Variants in CLEC16A observed in about 807,000 individuals in gnomAD.
The protein encoded by CLEC16A is C-type lectin domain containing 16A.
CLEC16A carries 51 observed loss-of-function variants against 109.5 expected under a neutral mutation model. The ratio of observed to expected loss-of-function variants is 0.47; its 90% CI spans 0.37 to 0.59. The LOEUF (loss-of-function observed/expected upper bound fraction) is 0.59, where lower values mean the gene tolerates loss of function less well. Ranked by LOEUF, CLEC16A falls within the 20% of genes least tolerant of loss-of-function variation. CLEC16A has a pLI of 0.00. For synonymous variants in CLEC16A, 673 were observed against 564.2 expected (o/e 1.19, Z -2.73); for missense variants, 1,339 against 1,394.0 (o/e 0.96, Z 0.63).
chr16:11,051,455 C>G, intron 17 of CLEC16A, 58 bp from the exon 18 acceptor site: 1 of 1,576,448 alleles, frequency 6.3e-7, no homozygotes, highest in East Asian at 2.3e-5. Context: ...CTCCCCCGGC[C>G]CCTTCCTCCT....
chr16:11,095,265 G>T (rs1192865331), intron 19 of CLEC16A, among the ~76,000 whole-genome samples: 1 of 152,160 alleles, frequency 6.6e-6, no homozygotes, highest in Non-Finnish European at 1.5e-5. Flanking sequence ...AGAAAGAAAG[G>T]AAAGAGAAGA....
chr16:11,069,743 G>A (rs1431993796), intron 19 of CLEC16A, among the ~76,000 whole-genome samples: 1 of 152,016 alleles, frequency 6.6e-6, no homozygotes. Context: ...TACCCAGACT[G>A]AAAATATTTT....
chr16:11,087,249 A>G (rs1368516892), intron 19 of CLEC16A, among the ~76,000 whole-genome samples: 1 of 136,458 alleles, frequency 7.3e-6, no homozygotes, highest in African/African-American at 2.8e-5. Context: ...GTCTGCACAC[A>G]AGGTGGACTT....
chr16:11,075,629 G>A (rs1224515489), intron 19 of CLEC16A, among the ~76,000 whole-genome samples: 1 of 152,042 alleles, frequency 6.6e-6, no homozygotes, highest in Non-Finnish European at 1.5e-5. Flanking sequence ...TAGAGATGGA[G>A]TCTTGCTATG....
chr16:10,984,330 G>T (rs1409249333), intron 10 of CLEC16A, among the ~76,000 whole-genome samples: 1 of 152,176 alleles, frequency 6.6e-6, no homozygotes, highest in Non-Finnish European at 1.5e-5. Context: ...TGTTAGTGGT[G>T]GTGGCATTAG....
intron 1 of CLEC16A, among the ~76,000 whole-genome samples, chr16:10,956,710 A>G (rs911932788): frequency 6.6e-6 from 1 of 152,196 alleles, no homozygotes. Flanking sequence ...GAGGACTGGA[A>G]GGTGTCTACC....
At chr16:11,055,237 ACAGT>A (rs1444342899) in intron 18 of CLEC16A, among the ~76,000 whole-genome samples, 1 of 152,214 alleles carries the variant, frequency 6.6e-6, no homozygotes, top group East Asian at 1.9e-4. Context: ...GTATCAACTC[ACAGT>A]CAGAGCTCTG....
chr16:10,995,678 T>C (rs987430777), intron 10 of CLEC16A, among the ~76,000 whole-genome samples: 4 of 152,156 alleles, frequency 2.6e-5, no homozygotes, highest in South Asian at 2.1e-4. Context: ...GCGTGTGATA[T>C]GGAACTACTC....
At chr16:11,078,654 T>C (rs904283756) in intron 19 of CLEC16A, among the ~76,000 whole-genome samples, 1 of 152,244 alleles carries the variant, frequency 6.6e-6, no homozygotes, top group Admixed American at 6.5e-5. Flanking sequence ...ACTGCAGGGC[T>C]GCAGTAGACC....
At chr16:11,000,071 C>T (rs1490228591) in intron 10 of CLEC16A, among the ~76,000 whole-genome samples, 2 of 152,220 alleles carry the variant, frequency 1.3e-5, no homozygotes, top group African/African-American at 4.8e-5. Context: ...TACCTGACCT[C>T]AGGTGATCCA....
chr16:11,143,195 G>T (rs2053917400), intron 22 of CLEC16A, among the ~76,000 whole-genome samples: 1 of 152,204 alleles, frequency 6.6e-6, no homozygotes, highest in Non-Finnish European at 1.5e-5. Context: ...GCAGTCTTGT[G>T]AGAGTGACAG....
intron 19 of CLEC16A, among the ~76,000 whole-genome samples, chr16:11,062,002 C>A (rs138571527): frequency 7.2e-5 from 11 of 152,288 alleles, no homozygotes; most frequent in Non-Finnish European, 1.5e-4. Flanking sequence ...CTTCTCTTTC[C>A]CTTTAATTCT....
At chr16:11,071,877 C>T (rs1481763332) in intron 19 of CLEC16A, among the ~76,000 whole-genome samples, 1 of 150,564 alleles carries the variant, frequency 6.6e-6, no homozygotes, top group East Asian at 2.0e-4. Flanking sequence ...ACAGGCAGAA[C>T]CCCTGGCCTG....
chr16:10,992,921 G>A (rs2044112978), intron 10 of CLEC16A, among the ~76,000 whole-genome samples: 1 of 152,126 alleles, frequency 6.6e-6, no homozygotes, highest in African/African-American at 2.4e-5. Context: ...ACTGAGGTCA[G>A]GGAGCTAGGC....
At chr16:10,978,955 C>A (rs75776942) in intron 8 of CLEC16A, among the ~76,000 whole-genome samples, 9 of 152,128 alleles carry the variant, frequency 5.9e-5, no homozygotes, top group Non-Finnish European at 1.3e-4. Flanking sequence ...ACCTCCTCCC[C>A]CATGCTTTGA....
At chr16:11,011,829 GT>G (rs372388785) in intron 11 of CLEC16A, among the ~76,000 whole-genome samples, 145 of 149,596 alleles carry the variant, frequency 9.7e-4, no homozygotes, top group Middle Eastern at 3.4e-3. Context: ...GAATTTACAG[GT>G]TTTTTTTTTC....
chr16:11,018,272 G>A lies in CLEC16A; in HGVS notation c.1304-1921G>A, dbSNP rs566182432. ...CACTCTAGGCTGGGTGTCAGAGCAA[G>A]ACCCTGTCTCAAAAAAGAAAAAAAA... On this transcript the variant is annotated intron_variant, in intron 11 of 23. Coordinates refer to ENST00000409790, the MANE Select transcript of CLEC16A (RefSeq NM_015226.3). Among the ~76,000 whole-genome samples the A allele has an allele frequency of 2.8e-5, 4 of 144,540 alleles. No individual in the cohort carries two copies. In the South Asian group the frequency reaches 6.8e-4, roughly 24 times the overall value. 94.8% of individuals were successfully genotyped at this position (144,540 alleles called of 152,430 possible). A position where few individuals can be genotyped will look rare whatever the true frequency, so the allele number is the denominator to read the frequency against.
rs945828814 is a variant in CLEC16A at position 11,156,331 on chromosome 16, C to T, written c.2642-10057C>T. 2.0e-5 allele frequency among the ~76,000 whole-genome samples: 3 copies of T among 149,638 alleles called. No individual in the cohort carries two copies. The South Asian group carries it at 6.3e-4, about 32-fold the overall frequency. On this transcript the variant is annotated intron_variant, in intron 22 of 23. Coordinates refer to ENST00000409790, the MANE Select transcript of CLEC16A (RefSeq NM_015226.3). ...GTTGCTCTGAGCCAGGATTGTGCCA[C>T]TGCACTCCAGCCTGGGTGACAGAGT...
At chr16:10,980,155 C>T (rs1167373561) in intron 9 of CLEC16A, among the ~76,000 whole-genome samples, 3 of 152,158 alleles carry the variant, frequency 2.0e-5, no homozygotes, top group Non-Finnish European at 4.4e-5. Flanking sequence ...CTGACTTGAT[C>T]CCCAGCTGTT....
Sources: gnomAD v4.1 joint callset for allele counts (sites outside exome capture counted in the v4.1 genomes callset) on GRCh38, gnomAD v4.1.1 for gene constraint, MANE v1.5 for transcripts, NCBI Gene and HGNC (gene_info 2026-07-23, HGNC 2026-07-21) for gene names.